The following GALNTL6 variants were observed in gnomAD, a reference collection of about 807,000 sequenced individuals.
GALNTL6 encodes the protein polypeptide N-acetylgalactosaminyltransferase-like 6.
In GALNTL6, 46 loss-of-function variants were observed where a neutral mutation model predicts 73.7. That is an observed-to-expected ratio of 0.62 (90% confidence interval 0.49 to 0.80). GALNTL6 has a LOEUF of 0.80. Among genes scored for constraint, GALNTL6 ranks in the 30% least tolerant of loss-of-function variants. The pLI is 0.00. For missense variants in GALNTL6, 604 were observed against 755.0 expected (o/e 0.80, Z 2.34); for synonymous variants, 259 against 263.7 (o/e 0.98, Z 0.17).
chr4:172,411,944 G>A (rs922060794), intron 5 of GALNTL6, among the ~76,000 whole-genome samples: 8 of 151,892 alleles, frequency 5.3e-5, no homozygotes, highest in African/African-American at 1.9e-4. Flanking sequence ...GGGAAATATA[G>A]CACATTACAT....
intron 5 of GALNTL6, among the ~76,000 whole-genome samples, chr4:172,712,712 A>G (rs1384291351): frequency 6.6e-6 from 1 of 152,172 alleles, no homozygotes; most frequent in Admixed American, 6.6e-5. Context: ...TGTTAAGGGG[A>G]TTGAATGAGT....
At chr4:172,281,640 G>A (rs1739061486) in intron 3 of GALNTL6, among the ~76,000 whole-genome samples, 1 of 152,172 alleles carries the variant, frequency 6.6e-6, no homozygotes, top group African/African-American at 2.4e-5. Context: ...GAACCCAGGA[G>A]GAGGAGGTTG....
chr4:172,216,180 C>T (rs1175430122), intron 2 of GALNTL6, among the ~76,000 whole-genome samples: 2 of 151,928 alleles, frequency 1.3e-5, no homozygotes, highest in Non-Finnish European at 2.9e-5. Context: ...TATCATTTTC[C>T]TTGTCCCTGA....
intron 2 of GALNTL6, among the ~76,000 whole-genome samples, chr4:171,895,670 C>T (rs1736890966): frequency 1.3e-5 from 2 of 151,934 alleles, no homozygotes; most frequent in African/African-American, 4.8e-5. Flanking sequence ...ATAAGAGAAG[C>T]ATGAATAAAG....
chr4:172,980,092 C>G (rs1051734547), intron 10 of GALNTL6, among the ~76,000 whole-genome samples: 4 of 152,160 alleles, frequency 2.6e-5, no homozygotes, highest in African/African-American at 9.7e-5. Context: ...TACACAGAGG[C>G]CGTATTGACT....
chr4:172,068,822 G>A lies in GALNTL6; in HGVS notation c.139-160834G>A, dbSNP rs1164070625. ...AAATGAAATTCCTTTACCCTTGAAC[G>A]TGTAGAGCTCATTGAAGTCTTCTAA... On this transcript the variant is annotated intron_variant, in intron 2 of 12. Transcript: ENST00000506823. Among the ~76,000 whole-genome samples the A allele has an allele frequency of 3.6e-5, 4 of 109,996 alleles. 2 individuals carry two copies. Among genetic ancestry groups the A allele is most frequent in the African/African-American group, 1.4e-4 (4 of 29,268 alleles). 72.2% of individuals were successfully genotyped at this position (109,996 alleles called of 152,430 possible).
intron 2 of GALNTL6, among the ~76,000 whole-genome samples, chr4:171,829,557 C>T (rs934820445): frequency 1.3e-5 from 2 of 152,034 alleles, no homozygotes; most frequent in East Asian, 1.9e-4. Flanking sequence ...TACTTTTTCC[C>T]CCTGGAATTT....
intron 2 of GALNTL6, among the ~76,000 whole-genome samples, chr4:172,204,180 A>G (rs564425354): frequency 2.6e-5 from 4 of 152,354 alleles, no homozygotes; most frequent in African/African-American, 9.6e-5. Context: ...ATATATAATG[A>G]AAGATGTTTG....
At chr4:172,026,365 A>G (rs1741578385) in intron 2 of GALNTL6, among the ~76,000 whole-genome samples, 1 of 152,062 alleles carries the variant, frequency 6.6e-6, no homozygotes, top group Admixed American at 6.6e-5. Context: ...TAGATCATCT[A>G]TTGACAGATA....
At chr4:172,069,585 A>ATATATATAACTTATATATGT (rs1731485599) in intron 2 of GALNTL6, among the ~76,000 whole-genome samples, 2 of 23,408 alleles carry the variant, frequency 8.5e-5, no homozygotes, top group African/African-American at 2.0e-4. Context: ...GTTATATATT[A>ATATATATAACTTATATATGT]TATATATAAC....
chr4:171,992,094 T>A (rs1740354069), intron 2 of GALNTL6, among the ~76,000 whole-genome samples: 1 of 151,958 alleles, frequency 6.6e-6, no homozygotes, highest in African/African-American at 2.4e-5. Flanking sequence ...CAAATTTAAT[T>A]TTCATCGCAA....
At chr4:172,659,146 A>C (rs2111174042) in intron 5 of GALNTL6, among the ~76,000 whole-genome samples, 1 of 152,330 alleles carries the variant, frequency 6.6e-6, no homozygotes, top group Middle Eastern at 3.4e-3. Flanking sequence ...CTAAGGCATA[A>C]GTTTCACAGA....
intron 5 of GALNTL6, among the ~76,000 whole-genome samples, chr4:172,798,758 TG>T (rs1302466628): frequency 6.6e-6 from 1 of 152,196 alleles, no homozygotes; most frequent in Non-Finnish European, 1.5e-5. Context: ...ACCTGATGTT[TG>T]GCAAAAAACA....
chr4:172,408,796 C>T (rs1285146592), intron 5 of GALNTL6, among the ~76,000 whole-genome samples: 1 of 152,010 alleles, frequency 6.6e-6, no homozygotes, highest in Non-Finnish European at 1.5e-5. Context: ...CTGACACTGG[C>T]TCTACTTGGC....
At chr4:172,727,396 T>A (rs1223128724) in intron 5 of GALNTL6, among the ~76,000 whole-genome samples, 1 of 152,196 alleles carries the variant, frequency 6.6e-6, no homozygotes, top group African/African-American at 2.4e-5. Flanking sequence ...ATTCAGTAAA[T>A]AATCATAGAA....
intron 3 of GALNTL6, among the ~76,000 whole-genome samples, chr4:172,281,661 A>G (rs1270757632): frequency 6.6e-6 from 1 of 152,216 alleles, no homozygotes; most frequent in African/African-American, 2.4e-5. Context: ...CAGTGAGCCA[A>G]GATCGCTCCA....
chr4:172,695,041 A>C (rs895165709), intron 5 of GALNTL6, among the ~76,000 whole-genome samples: 1 of 152,220 alleles, frequency 6.6e-6, no homozygotes, highest in Non-Finnish European at 1.5e-5. Context: ...AAATAAAAAT[A>C]ATTCTATGTA....
intron 2 of GALNTL6, among the ~76,000 whole-genome samples, chr4:171,860,339 C>T (rs982554730): frequency 4.6e-5 from 7 of 152,180 alleles, no homozygotes; most frequent in African/African-American, 1.7e-4. Context: ...TCTACTCCCT[C>T]TACCATATAC....
chr4:172,473,239 A>C (rs1260666092), intron 5 of GALNTL6, among the ~76,000 whole-genome samples: 1 of 152,004 alleles, frequency 6.6e-6, no homozygotes, highest in African/African-American at 2.4e-5. Context: ...CTCCTTCTAC[A>C]TCATTTGCCT....
Sources: gnomAD v4.1 joint callset for allele counts (sites outside exome capture counted in the v4.1 genomes callset) on GRCh38, gnomAD v4.1.1 for gene constraint, MANE v1.5 for transcripts, NCBI Gene and HGNC (gene_info 2026-07-23, HGNC 2026-07-21) for gene names.